The following THBS1 variants were observed in gnomAD, a reference collection of about 807,000 sequenced individuals.
The protein encoded by THBS1 is thrombospondin-1.
A neutral mutation model predicts 126.1 loss-of-function variants in THBS1; 29 were observed. The ratio of observed to expected loss-of-function variants is 0.23; its 90% CI spans 0.17 to 0.31. THBS1 has a LOEUF of 0.31. Among genes scored for constraint, THBS1 ranks in the 10% least tolerant of loss-of-function variants. THBS1 has a pLI of 1.00. For missense variants in THBS1, 1,198 were observed against 1,545.2 expected, an observed-to-expected ratio of 0.78 and a Z score of 3.77; for synonymous variants, 496 against 577.8, an observed-to-expected ratio of 0.86 and a Z score of 2.03.
Position 39,589,398 on chromosome 15 carries a change from C to G in THBS1, c.1926+44C>G. 3 of 1,603,758 alleles carry G rather than the reference C, an allele frequency of 1.9e-6. No individual in the cohort carries two copies. The South Asian group carries it at 3.3e-5, about 18-fold the overall frequency. ...GTAAACCAGAGGACAGGAGAGCTGT[C>G]CTTGACCAAAATAACTGGGAGCGGG... On this transcript the variant is annotated intron_variant, in intron 12 of 21. Transcript: ENST00000260356. This position sits in a 1 kb window ranked among gnomAD's most constrained non-coding sequence, Gnocchi z 4.7.
Position 39,595,443 on chromosome 15 carries a change from G to C in THBS1, c.*74G>C. 1 of 1,476,156 alleles carries C rather than the reference G, an allele frequency of 6.8e-7. No individual in the cohort carries two copies. The highest frequency in any genetic ancestry group is 9.0e-7 in the Non-Finnish European group (1 of 1,110,794). 91.4% of individuals were successfully genotyped at this position (1,476,156 alleles called of 1,614,324 possible). ...GCACCTTCTGGAACTATGGGCTTGA[G>C]AAAACCCCCAGGATCACTTCTCCTT... On this transcript the variant is annotated 3_prime_UTR_variant, in exon 22 of 22. Coordinates refer to ENST00000260356, the MANE Select transcript of THBS1 (RefSeq NM_003246.4).
At chr15:39,585,699 G>A (rs983139251) in intron 7 of THBS1, 136 bp downstream of exon 7, 4 of 829,304 alleles carry the variant, frequency 4.8e-6, no homozygotes, top group East Asian at 2.7e-5. Flanking sequence ...TGCAGCAGCT[G>A]GTTAACTGAC....
In THBS1 at chr15:39,584,112, G is replaced by A. The variant is rs61731228; in HGVS notation, c.828G>A (p.Glu276=). 7.7e-5 allele frequency: 125 copies of A among 1,614,224 alleles called. No individual in the cohort carries two copies. The African/African-American group carries it at 1.4e-3, about 18-fold the overall frequency. Residue 276 remains glutamate, a synonymous_variant, in exon 5 of 22, where the codon GAG becomes GAA. Transcript: ENST00000260356. ...LQAICGISCD[E]LSSMVLELRG... ...CCATCTGCGGCATCTCCTGTGATGA[G>A]CTGTCCAGCATGGTCCTGGAACTCA...
rs189515859 is a variant in THBS1, at chr15:39,598,150, T to A, written c.*2781T>A. 6.6e-6 allele frequency: 1 copy of A among 152,360 alleles called. No homozygotes were observed. Among genetic ancestry groups the A allele is most frequent in the Admixed American group, 6.5e-5 (1 of 15,308 alleles). The allele number at this position is 152,360 out of a possible 1,614,324, so 9.4% of individuals were successfully genotyped here. ...GGATGGGCTAATTATGAATGTGGAA[T>A]ACTGACCAGTTAATTTCCAGTTTTA... On this transcript the variant is annotated 3_prime_UTR_variant, in exon 22 of 22. Coordinates refer to ENST00000260356, the MANE Select transcript of THBS1 (RefSeq NM_003246.4).
Position 39,582,337 on chromosome 15 carries a change from C to T in THBS1, c.212C>T (p.Pro71Leu), listed in dbSNP as rs749046805. The T allele has an allele frequency of 6.2e-7, 1 of 1,614,118 alleles. No individual in the cohort carries two copies. The highest frequency in any genetic ancestry group is 2.2e-5 in the East Asian group (1 of 44,892). The stretch of plus-strand genomic sequence containing the variant: ...GATGCCAACCTGATCCCCCCTGTGC[C>T]TGATGACAAGTTCCAAGACCTGGTG... ...IEDANLIPPV[P>L]DDKFQDLVDA... is the part of the protein sequence containing the mutation. The change falls in exon 3 of 22, where the codon CCT (proline) becomes CTT (leucine). Residue 71 changes from proline (P) to leucine (L), a missense_variant. Transcript: ENST00000260356.
Position 39,584,059 on chromosome 15 carries a change from A to G in THBS1, c.775A>G (p.Ile259Val). ...GSSPAIRTNY[I>V]GHKTKDLQAI... The stretch of plus-strand genomic sequence containing the variant: ...CAGCCCTGCCATCCGCACTAACTAC[A>G]TTGGCCACAAGACAAAGGACTTGCA... Residue 259 changes from isoleucine (I) to valine (V), a missense_variant, in exon 5 of 22, where the codon ATT becomes GTT. Around this residue, in one of 4 missense-constraint regions of THBS1, gnomAD observed 663 missense variants for 860.1 expected, o/e 0.77. Transcript: ENST00000260356. The G allele has an allele frequency of 6.2e-7, 1 of 1,614,188 alleles. No homozygotes were observed. Among genetic ancestry groups the G allele is most frequent in the Non-Finnish European group, 8.5e-7 (1 of 1,180,036 alleles).
rs1407181789 is a variant in THBS1, at chr15:39,594,269, T to A, written c.3366-32T>A. 3 of 1,613,828 alleles carry A rather than the reference T, an allele frequency of 1.9e-6. No individual in the cohort carries two copies. Among genetic ancestry groups the A allele is most frequent in the Non-Finnish European group, 2.5e-6 (3 of 1,179,962 alleles). On this transcript the variant is annotated intron_variant, in intron 20 of 21. Transcript: ENST00000260356. The surrounding 1 kb of genome is among the most constrained non-coding windows in gnomAD (Gnocchi z 4.4). ...AAAAGACAAAAAGTATTAAATAGCATTGTCACTAAACAAGATTTTTTTTCC... is the reference window on the plus strand; with the variant it reads ...AAAAGACAAAAAGTATTAAATAGCAATGTCACTAAACAAGATTTTTTTTCC...
rs111487054 is a variant in THBS1 at position 39,583,695 on chromosome 15, G to A, written c.703+3G>A. ...CAGGAACAAAGGCTGCTCCAGCTGT[G>A]AGTACCCCTCTATTTTTAGGGCACA... On this transcript the variant is annotated splice_donor_region_variant and intron_variant, in intron 4 of 21. Transcript: ENST00000260356. 3.3e-5 allele frequency: 53 copies of A among 1,613,220 alleles called. No homozygotes were observed. The highest frequency in any genetic ancestry group is 4.2e-5 in the Non-Finnish European group (50 of 1,179,696).
chr15:39,588,253 G>A (rs1890248279), intron 9 of THBS1, 35 bp downstream of exon 9: 1 of 1,601,524 alleles, frequency 6.2e-7, no homozygotes, highest in Admixed American at 1.7e-5. Flanking sequence ...GTGAGCATGG[G>A]CAGCAGCTCT....
At chr15:39,581,639 C>CCTCTCTCTCTCTCTATCTCTCTCTCT (rs1890105339) in intron 1 of THBS1, 190 bp from the exon 2 acceptor site, 1 of 339,452 alleles carries the variant, frequency 2.9e-6, no homozygotes, top group African/African-American at 2.8e-5. Context: ...CTTTCCTCCA[C>CCTCTCTCTCTCTCTATCTCTCTCTCT]CTCTCTCTCT....
At position 39,582,566 on chromosome 15, in the gene THBS1, C is replaced by T; in HGVS notation, c.441C>T (p.Leu147=). Residue 147 remains leucine, a synonymous_variant, in exon 3 of 22, where the codon CTC becomes CTT. Coordinates refer to ENST00000260356, the MANE Select transcript of THBS1 (RefSeq NM_003246.4). ...KQHVVSVEEA[L]LATGQWKSIT... is the part of the protein sequence containing the mutation. ...ACGTGGTGTCTGTGGAAGAAGCTCT[C>T]CTGGCAACCGGCCAGTGGAAGAGCA... 6.2e-7 allele frequency: 1 copy of T among 1,614,170 alleles called. No homozygotes were observed. Among genetic ancestry groups the T allele is most frequent in the South Asian group, 1.1e-5 (1 of 91,088 alleles).
At chr15:39,584,564 C>A in intron 6 of THBS1, 142 bp downstream of exon 6, 3 of 1,104,358 alleles carry the variant, frequency 2.7e-6, no homozygotes, top group Non-Finnish European at 3.8e-6. Flanking sequence ...CTTTAAGATG[C>A]AATTATGGCA....
chr15:39,585,405 G>A, intron 6 of THBS1, 65 bp from the exon 7 acceptor site: 2 of 1,448,950 alleles, frequency 1.4e-6, no homozygotes, highest in Non-Finnish European at 1.9e-6. Flanking sequence ...AAATGTTACA[G>A]GATGTAGACT....
At position 39,589,723 on chromosome 15, in the gene THBS1, T is replaced by A; in HGVS notation, c.1927-82T>A. On this transcript the variant is annotated intron_variant, in intron 12 of 21. Transcript: ENST00000260356. The surrounding 1 kb of genome is among the most constrained non-coding windows in gnomAD (Gnocchi z 4.7). ...AATGGAGCCTCTGTCTACTCAGAGA[T>A]GACAGGGATCTGGATTCTTGTTTCC... 4 of 1,394,662 alleles carry A rather than the reference T, an allele frequency of 2.9e-6. No homozygotes were observed. The highest frequency in any genetic ancestry group is 3.8e-6 in the Non-Finnish European group (4 of 1,041,636). 86.4% of individuals were successfully genotyped at this position (1,394,662 alleles called of 1,614,324 possible). A position where few individuals can be genotyped will look rare whatever the true frequency, so the allele number is the denominator to read the frequency against.
rs1330425956 is a variant in THBS1 at position 39,582,063 on chromosome 15, A to G, written c.68-130A>G. The G allele has an allele frequency of 3.0e-6, 4 of 1,327,450 alleles. No homozygotes were observed. The African/African-American group carries it at 4.4e-5, about 15-fold the overall frequency. The allele number at this position is 1,327,450 out of a possible 1,614,324, so 82.2% of individuals were successfully genotyped here. A position where few individuals can be genotyped will look rare whatever the true frequency, so the allele number is the denominator to read the frequency against. On this transcript the variant is annotated intron_variant, in intron 2 of 21. Coordinates refer to ENST00000260356, the MANE Select transcript of THBS1 (RefSeq NM_003246.4). ...GACGCAGCTTCACTCTGATCCTGGT[A>G]TTTATTCACCTCTTTCAGTGGTTGC...
chr15:39,587,937 G>C, intron 8 of THBS1, 105 bp from the exon 9 acceptor site: 1 of 1,133,824 alleles, frequency 8.8e-7, no homozygotes, highest in Non-Finnish European at 1.3e-6. Flanking sequence ...GGGTTTAGTT[G>C]CCATTGACCA....
Position 39,593,192 on chromosome 15 carries a change from T to C in THBS1, c.2960T>C (p.Val987Ala). 6.2e-7 allele frequency: 1 copy of C among 1,613,748 alleles called. No individual in the cohort carries two copies. The highest frequency in any genetic ancestry group is 8.5e-7 in the Non-Finnish European group (1 of 1,179,856). ...GTACGCCATCAGGGTAAAGAACTCG[T>C]CCAGACTGTCAACTGTGATCCTGGA... ...WVVRHQGKELVQTVNCDPGLA... is the reference protein window; with the variant it reads ...WVVRHQGKELAQTVNCDPGLA... Residue 987 changes from valine to alanine, a missense_variant, in exon 18 of 22, where the codon GTC becomes GCC. Physicochemically the swap from Val to Ala is moderately conservative, Grantham distance 64. Coordinates refer to ENST00000260356, the MANE Select transcript of THBS1 (RefSeq NM_003246.4). This position sits in a 1 kb window ranked among gnomAD's most constrained non-coding sequence, Gnocchi z 5.9.
Position 39,594,081 on chromosome 15 carries a change from C to T in THBS1, c.3268-18C>T, listed in dbSNP as rs1250508191. The T allele has an allele frequency of 6.2e-7, 1 of 1,604,588 alleles. No individual in the cohort carries two copies. Among genetic ancestry groups the T allele is most frequent in the African/African-American group, 1.3e-5 (1 of 74,546 alleles). On this transcript the variant is annotated intron_variant, in intron 19 of 21. Coordinates refer to ENST00000260356, the MANE Select transcript of THBS1 (RefSeq NM_003246.4). The surrounding 1 kb of genome is among the most constrained non-coding windows in gnomAD (Gnocchi z 4.4). ...TGAAGGAGCTGTGTTTCAACCTTTC[C>T]TTTTCCTTTTCCTTCAGGTGCGCAC...
chr15:39,591,768 T>C (rs1242729411), intron 16 of THBS1, 145 bp downstream of exon 16: 7 of 756,834 alleles, frequency 9.2e-6, no homozygotes, highest in Middle Eastern at 4.8e-4. Context: ...AATACGTTCA[T>C]GTAAATAATT....
Sources: allele counts gnomAD v4.1 joint callset, GRCh38; gene constraint gnomAD v4.1.1; regional missense constraint gnomAD v4.1.1; non-coding constraint Gnocchi (gnomAD v3.1); transcripts MANE v1.5; gene names NCBI Gene and HGNC (gene_info 2026-07-23, HGNC 2026-07-21).